SLC47A2: variants seen among roughly 807,000 people sequenced by gnomAD.
SLC47A2 encodes the protein multidrug and toxin extrusion protein 2.
Under a neutral mutation model 67.7 loss-of-function variants are expected in SLC47A2, and 52 were observed. The ratio of observed to expected loss-of-function variants is 0.77; its 90% CI spans 0.61 to 0.97. The LOEUF (loss-of-function observed/expected upper bound fraction) is 0.97. Ranked by LOEUF, SLC47A2 falls within the 50% of genes least tolerant of loss-of-function variation. SLC47A2 has a pLI of 0.00. For synonymous variants in SLC47A2, 278 were observed against 292.9 expected (o/e 0.95, Z 0.52); for missense variants, 676 against 712.3 (o/e 0.95, Z 0.58).
Position 19,702,648 on chromosome 17 carries a change from A to T in SLC47A2, c.1121T>A (p.Val374Asp). Residue 374 changes from valine to aspartate, a missense_variant, in exon 13 of 17, where the codon GTC becomes GAC. Coordinates refer to ENST00000433844, the MANE Select transcript of SLC47A2 (RefSeq NM_001099646.3). ...DEDVIALVSQ[V>D]LPVYSVFHVF... is the part of the protein sequence containing the mutation. ...GTGAAAGACACTATAAACCGGCAAG[A>T]CCTGGCTCACCAGGGCAATGACATC... 2 of 1,614,074 alleles carry T rather than the reference A, an allele frequency of 1.2e-6. No homozygotes were observed. The highest frequency in any genetic ancestry group is 1.7e-6 in the Non-Finnish European group (2 of 1,180,010).
chr17:19,680,156 G>A, intron 15 of SLC47A2, 117 bp from the exon 16 acceptor site: 3 of 913,284 alleles, frequency 3.3e-6, no homozygotes, highest in Non-Finnish European at 4.9e-6. Flanking sequence ...ATATATGCAT[G>A]TATTCATAGT....
Position 19,680,056 on chromosome 17 carries a change from T to C in SLC47A2, c.1393-17A>G. On this transcript the variant is annotated splice_polypyrimidine_tract_variant and intron_variant, in intron 15 of 16. Transcript: ENST00000433844. ...TTTCTTAGCCTAAAGGAGAAAGAAC[T>C]CAATTGGGTCAACCTGCCAGCTCAA... is the stretch of plus-strand genomic sequence containing the variant. 6.2e-7 allele frequency: 1 copy of C among 1,611,492 alleles called. No individual in the cohort carries two copies. Among genetic ancestry groups the C allele is most frequent in the South Asian group, 1.1e-5 (1 of 90,556 alleles).
At chr17:19,714,322 T>A (rs1597645877) in intron 3 of SLC47A2, 2 of 384,874 alleles carry the variant, frequency 5.2e-6, no homozygotes, top group Non-Finnish European at 4.7e-6. Flanking sequence ...CATGGCCACC[T>A]GGGCAGCCCC....
At chr17:19,700,728 G>C (rs2085762802) in intron 13 of SLC47A2, among the ~76,000 whole-genome samples, 1 of 146,236 alleles carries the variant, frequency 6.8e-6, no homozygotes, top group Admixed American at 7.0e-5. Flanking sequence ...TGGCACCACT[G>C]CACTCCAGCC....
chr17:19,693,632 T>TAATA (rs1555538809), intron 13 of SLC47A2, among the ~76,000 whole-genome samples: 11 of 149,788 alleles, frequency 7.3e-5, no homozygotes, highest in South Asian at 4.2e-4. Flanking sequence ...ATAATAATAA[T>TAATA]AATAAATAAA....
At chr17:19,681,758 C>A in intron 13 of SLC47A2, 88 bp from the exon 14 acceptor site, 1 of 1,481,278 alleles carries the variant, frequency 6.8e-7, no homozygotes, top group Non-Finnish European at 9.1e-7. Context: ...AAGCCATTCG[C>A]ATGGCATTGC....
chr17:19,684,394 C>G (rs1438537584), intron 13 of SLC47A2, among the ~76,000 whole-genome samples: 1 of 151,934 alleles, frequency 6.6e-6, no homozygotes, highest in Non-Finnish European at 1.5e-5. Context: ...TTTTGATGAA[C>G]ATCAAAATTT....
chr17:19,715,340 G>A, intron 1 of SLC47A2, 123 bp from the exon 2 acceptor site: 1 of 770,582 alleles, frequency 1.3e-6, no homozygotes, highest in Non-Finnish European at 2.1e-6. Context: ...CCTACGCCTG[G>A]GGAAGCCAGG....
intron 5 of SLC47A2, 58 bp downstream of exon 5, chr17:19,712,645 G>A: frequency 6.3e-7 from 1 of 1,579,626 alleles, no homozygotes. Context: ...GAGTGGGAAA[G>A]CAAAAAGCCA....
intron 13 of SLC47A2, chr17:19,692,234 A>G (rs1430823064): frequency 1.7e-5 from 7 of 421,834 alleles, no homozygotes; most frequent in African/African-American, 4.2e-5. Context: ...TGTCAAAAAA[A>G]AAAAAAAGAA....
intron 13 of SLC47A2, among the ~76,000 whole-genome samples, chr17:19,698,205 A>C (rs1022513354): frequency 6.6e-6 from 1 of 152,192 alleles, no homozygotes; most frequent in African/African-American, 2.4e-5. Context: ...AATTACTATA[A>C]AGCTGCAGTG....
chr17:19,715,547 A>C (rs1474418397), intron 1 of SLC47A2, among the ~76,000 whole-genome samples: 1 of 152,178 alleles, frequency 6.6e-6, no homozygotes, highest in Non-Finnish European at 1.5e-5. Flanking sequence ...GCACACCCCC[A>C]AAAAAGGAGG....
At chr17:19,679,618 A>T (rs1291163531) in intron 16 of SLC47A2, among the ~76,000 whole-genome samples, 2 of 152,142 alleles carry the variant, frequency 1.3e-5, no homozygotes, top group African/African-American at 4.8e-5. Context: ...TGACGGGTTG[A>T]TGCGCAGATC....
At chr17:19,702,568 C>G (rs1436892582) in intron 13 of SLC47A2, 37 bp downstream of exon 13, 1 of 1,611,462 alleles carries the variant, frequency 6.2e-7, no homozygotes, top group East Asian at 2.2e-5. Context: ...TAAATCATGT[C>G]CCAGGGAGTC....
chr17:19,701,883 T>C (rs2085794401), intron 13 of SLC47A2, among the ~76,000 whole-genome samples: 2 of 152,110 alleles, frequency 1.3e-5, no homozygotes, highest in Admixed American at 1.3e-4. Flanking sequence ...CAGGCCAACG[T>C]TGGAAGGCCC....
chr17:19,680,248 C>T (rs930172888), intron 15 of SLC47A2, among the ~76,000 whole-genome samples: 1 of 151,920 alleles, frequency 6.6e-6, no homozygotes, highest in Non-Finnish European at 1.5e-5. Flanking sequence ...GAGGCCGAGG[C>T]GGGTGGATTG....
intron 13 of SLC47A2, among the ~76,000 whole-genome samples, chr17:19,696,138 A>G (rs2085657596): frequency 6.6e-6 from 1 of 151,726 alleles, no homozygotes; most frequent in Admixed American, 6.6e-5. Flanking sequence ...CTAATCCAAT[A>G]TGACTGGTGT....
intron 1 of SLC47A2, chr17:19,716,153 C>A (rs2086259889): frequency 2.3e-6 from 1 of 427,896 alleles, no homozygotes; most frequent in Admixed American, 4.1e-5. Context: ...GAGCCATCTT[C>A]CAACTCAGGC....
At chr17:19,702,916 C>A (rs1484888535) in intron 12 of SLC47A2, among the ~76,000 whole-genome samples, 176 bp downstream of exon 12, 1 of 152,190 alleles carries the variant, frequency 6.6e-6, no homozygotes, top group South Asian at 2.1e-4. Context: ...TATGGACAGG[C>A]ACTAAAGGCC....
Sources: gnomAD v4.1 joint callset for allele counts (sites outside exome capture counted in the v4.1 genomes callset) on GRCh38, gnomAD v4.1.1 for gene constraint, MANE v1.5 for transcripts, NCBI Gene and HGNC (gene_info 2026-07-23, HGNC 2026-07-21) for gene names.